Variants in PLCB1 observed in about 807,000 individuals in gnomAD.
The protein encoded by PLCB1 is phospholipase C beta 1.
PLCB1 carries 46 observed loss-of-function variants against 161.8 expected under a neutral mutation model. That is an observed-to-expected ratio of 0.28 (90% confidence interval 0.22 to 0.36). The LOEUF is 0.36. Among genes scored for constraint, PLCB1 ranks in the 10% least tolerant of loss-of-function variants. The pLI, the probability that PLCB1 is intolerant of heterozygous loss-of-function variation, is 1.00. For missense variants in PLCB1, 1,016 were observed against 1,472.5 expected (o/e 0.69, Z 5.07); for synonymous variants, 517 against 503.7 (o/e 1.03, Z -0.35).
At chr20:8,658,961 C>T (rs994737814) in intron 9 of PLCB1, among the ~76,000 whole-genome samples, 1 of 152,074 alleles carries the variant, frequency 6.6e-6, no homozygotes, top group Non-Finnish European at 1.5e-5. Flanking sequence ...TATTTTGTTT[C>T]AAATTCACGC....
chr20:8,723,888 A>G (rs1395088226), intron 15 of PLCB1, among the ~76,000 whole-genome samples: 1 of 152,028 alleles, frequency 6.6e-6, no homozygotes, highest in African/African-American at 2.4e-5. Context: ...GAAGGAAAGC[A>G]GTTGTTTACC....
chr20:8,492,170 C>T (rs1329938487), intron 3 of PLCB1, among the ~76,000 whole-genome samples: 1 of 145,266 alleles, frequency 6.9e-6, no homozygotes, highest in Non-Finnish European at 1.5e-5. Context: ...GGTTGCTTTG[C>T]CAACCATTTT....
At chr20:8,749,267 C>G (rs117514441) in intron 23 of PLCB1, among the ~76,000 whole-genome samples, 7,770 of 152,250 alleles carry the variant, frequency 0.051, 271 homozygotes, top group Non-Finnish European at 0.077. Flanking sequence ...CTGGGGACCA[C>G]ACATTAAAAA....
chr20:8,452,013 T>C (rs1981096569), intron 3 of PLCB1, among the ~76,000 whole-genome samples: 2 of 152,194 alleles, frequency 1.3e-5, no homozygotes, highest in South Asian at 4.1e-4. Flanking sequence ...TAGGGAATTC[T>C]TTCCTATTTT....
chr20:8,627,847 T>A (rs1259642470), intron 3 of PLCB1, among the ~76,000 whole-genome samples: 1 of 152,228 alleles, frequency 6.6e-6, no homozygotes, highest in Non-Finnish European at 1.5e-5. Context: ...TTGGAGCAGG[T>A]CTACGCTGAG....
chr20:8,513,126 T>C (rs889695622), intron 3 of PLCB1, among the ~76,000 whole-genome samples: 5 of 152,236 alleles, frequency 3.3e-5, no homozygotes, highest in Non-Finnish European at 7.3e-5. Flanking sequence ...TTTCAATACA[T>C]AAATCTAGAC....
rs182094511 is a variant in PLCB1, at chr20:8,500,747, A to C, written c.247-127547A>C. Among the ~76,000 whole-genome samples, 12 of 152,238 alleles carry C rather than the reference A, an allele frequency of 7.9e-5. No homozygotes were observed. In the East Asian group the frequency reaches 2.3e-3, roughly 29 times the overall value. ...TTAGTGATTACTAGCCCATGCTCAA[A>C]TGTTAGCTTGCCTCGAATCAAATCC... is the stretch of plus-strand genomic sequence containing the variant. On this transcript the variant is annotated intron_variant, in intron 3 of 31. Transcript: ENST00000338037.
intron 3 of PLCB1, among the ~76,000 whole-genome samples, chr20:8,620,037 A>G (rs556680948): frequency 1.1e-4 from 17 of 152,272 alleles, no homozygotes; most frequent in Admixed American, 7.8e-4. Context: ...AAATTAGGCA[A>G]CTTGTATTCC....
rs965877648 is a variant in PLCB1 at position 8,618,189 on chromosome 20, G to GA, written c.247-10099dup. Among the ~76,000 whole-genome samples the GA allele has an allele frequency of 1.2e-4, 19 of 152,128 alleles. No homozygotes were observed. In the East Asian group the frequency reaches 1.4e-3, roughly 11 times the overall value. ...AAGAGGGAGATGAAGAGAAAAATGT[G>GA]AAAAAAGTGAACGAGATTTGAGAAC... is the stretch of plus-strand genomic sequence containing the variant. On this transcript the variant is annotated intron_variant, in intron 3 of 31. Coordinates refer to ENST00000338037, the MANE Select transcript of PLCB1 (RefSeq NM_015192.4).
At chr20:8,819,710 G>A (rs987285155) in intron 31 of PLCB1, among the ~76,000 whole-genome samples, 1 of 152,090 alleles carries the variant, frequency 6.6e-6, no homozygotes, top group Non-Finnish European at 1.5e-5. Flanking sequence ...ACACAAAATG[G>A]TGTAGATAGT....
At chr20:8,619,830 A>G (rs1264908218) in intron 3 of PLCB1, among the ~76,000 whole-genome samples, 1 of 152,218 alleles carries the variant, frequency 6.6e-6, no homozygotes, top group South Asian at 2.1e-4. Flanking sequence ...CAAACCATGA[A>G]TATATTCCTA....
chr20:8,286,105 A>G (rs1983108402), intron 2 of PLCB1, among the ~76,000 whole-genome samples: 1 of 152,190 alleles, frequency 6.6e-6, no homozygotes, highest in Admixed American at 6.5e-5. Context: ...CAGGCAGATC[A>G]CCTGAGGTCA....
chr20:8,629,830 T>G (rs1368691485), intron 4 of PLCB1, among the ~76,000 whole-genome samples: 4 of 62,400 alleles, frequency 6.4e-5, no homozygotes, highest in Non-Finnish European at 1.3e-4. Flanking sequence ...TCTTTCTTTC[T>G]TTCTTTCTTT....
At chr20:8,629,798 CT>C (rs1568535778) in intron 4 of PLCB1, among the ~76,000 whole-genome samples, 1 of 67,994 alleles carries the variant, frequency 1.5e-5, no homozygotes, top group Admixed American at 1.8e-4. Context: ...TCCTTTCTTT[CT>C]TTTCTTTCTT....
intron 2 of PLCB1, among the ~76,000 whole-genome samples, chr20:8,251,856 A>T (rs1981163002): frequency 6.6e-6 from 1 of 151,938 alleles, no homozygotes; most frequent in Non-Finnish European, 1.5e-5. Flanking sequence ...TCTAAAGGCC[A>T]CTGGAATTAG....
intron 3 of PLCB1, among the ~76,000 whole-genome samples, chr20:8,418,442 AG>A (rs1979394250): frequency 6.6e-6 from 1 of 152,220 alleles, no homozygotes; most frequent in Non-Finnish European, 1.5e-5. Flanking sequence ...TGTCCTAAAC[AG>A]GCCTAGGAAA....
intron 3 of PLCB1, among the ~76,000 whole-genome samples, chr20:8,482,832 G>C (rs1982562179): frequency 6.6e-6 from 1 of 152,094 alleles, no homozygotes; most frequent in Admixed American, 6.5e-5. Flanking sequence ...AAAAGTCACA[G>C]AATGTGAGGG....
At chr20:8,665,007 A>G (rs1046194578) in intron 9 of PLCB1, among the ~76,000 whole-genome samples, 3 of 152,170 alleles carry the variant, frequency 2.0e-5, no homozygotes, top group African/African-American at 7.2e-5. Flanking sequence ...GACTCCCCCT[A>G]GAGCCCATAA....
chr20:8,278,531 A>G (rs1192573093), intron 2 of PLCB1, among the ~76,000 whole-genome samples: 1 of 151,834 alleles, frequency 6.6e-6, no homozygotes, highest in Non-Finnish European at 1.5e-5. Context: ...GGAAAAAAGT[A>G]GACAAAGATT....
Sources: allele counts gnomAD v4.1 joint callset (sites outside exome capture counted in the v4.1 genomes callset), GRCh38; gene constraint gnomAD v4.1.1; transcripts MANE v1.5; gene names NCBI Gene and HGNC (gene_info 2026-07-23, HGNC 2026-07-21).